KIAA0825: variants seen among roughly 807,000 people sequenced by gnomAD.
KIAA0825 encodes the protein uncharacterized protein KIAA0825.
In KIAA0825, 119 loss-of-function variants were observed where a neutral mutation model predicts 147.6. The observed-to-expected ratio is 0.81, with a 90% CI of 0.69 to 0.94. The LOEUF (loss-of-function observed/expected upper bound fraction) is 0.94, where lower values mean the gene tolerates loss of function less well. Ranked by LOEUF, KIAA0825 falls within the 40% of genes least tolerant of loss-of-function variation. The pLI is 0.00. For synonymous variants in KIAA0825, 470 were observed against 518.1 expected (o/e 0.91, Z 1.26); for missense variants, 1,381 against 1,472.7 (o/e 0.94, Z 1.02).
chr5:94,406,776 C>T (rs1473412885), intron 15 of KIAA0825, among the ~76,000 whole-genome samples: 9 of 152,150 alleles, frequency 5.9e-5, no homozygotes, highest in East Asian at 5.8e-4. Context: ...AACGAGCAGC[C>T]TTGAAGCCAT....
chr5:94,394,871 C>A lies in KIAA0825; in HGVS notation c.3296+1230G>T, dbSNP rs371718902. Among the ~76,000 whole-genome samples the A allele has an allele frequency of 5.9e-5, 9 of 152,202 alleles. No homozygotes were observed. The East Asian group carries it at 1.4e-3, about 23-fold the overall frequency. ...GCTATTGTTATTGCCACCCATGGGA[C>A]ACTCCAGAAGTACATTTCTAGAGGT... On this transcript the variant is annotated intron_variant, in intron 17 of 20. Transcript: ENST00000682413.
chr5:94,275,628 A>C (rs575180351), intron 20 of KIAA0825, among the ~76,000 whole-genome samples: 1 of 152,284 alleles, frequency 6.6e-6, no homozygotes, highest in African/African-American at 2.4e-5. Flanking sequence ...CTATGGCAAC[A>C]TGTTAATGGG....
chr5:94,183,459 A>G (rs938495728), intron 20 of KIAA0825, among the ~76,000 whole-genome samples: 4 of 152,162 alleles, frequency 2.6e-5, no homozygotes, highest in African/African-American at 4.8e-5. Context: ...TAAGAGTGTC[A>G]TTTTATATGC....
intron 2 of KIAA0825, among the ~76,000 whole-genome samples, chr5:94,548,344 A>C (rs1774867765): frequency 3.9e-5 from 6 of 152,184 alleles, no homozygotes; most frequent in Admixed American, 3.9e-4. Flanking sequence ...TCATTAGTCT[A>C]AACTAATGGG....
intron 14 of KIAA0825, among the ~76,000 whole-genome samples, chr5:94,420,585 A>C (rs1282185866): frequency 6.6e-6 from 1 of 152,128 alleles, no homozygotes; most frequent in Admixed American, 6.6e-5. Flanking sequence ...GTACTATTTT[A>C]CTATATGACG....
intron 5 of KIAA0825, among the ~76,000 whole-genome samples, chr5:94,517,758 GAGA>G (rs979501553): frequency 6.7e-5 from 10 of 149,526 alleles, no homozygotes; most frequent in African/African-American, 2.4e-4. Context: ...AAATAGTTTG[GAGA>G]AGAAGAAAAC....
At chr5:94,318,910 C>T (rs191979276) in intron 20 of KIAA0825, among the ~76,000 whole-genome samples, 32 of 151,864 alleles carry the variant, frequency 2.1e-4, no homozygotes, top group Admixed American at 1.6e-3. Context: ...CATAATACTA[C>T]CCCTCCTTGT....
intron 20 of KIAA0825, among the ~76,000 whole-genome samples, chr5:94,229,886 A>G (rs976799284): frequency 6.6e-6 from 1 of 152,136 alleles, no homozygotes; most frequent in South Asian, 2.1e-4. Flanking sequence ...TCTCTAGATC[A>G]TTAGTGATAC....
intron 20 of KIAA0825, among the ~76,000 whole-genome samples, chr5:94,311,465 T>C (rs1330329177): frequency 6.6e-6 from 1 of 151,646 alleles, no homozygotes; most frequent in African/African-American, 2.4e-5. Context: ...AAATGTCTCA[T>C]ACTGCCACGC....
At chr5:94,526,758 T>C (rs1401946473) in intron 3 of KIAA0825, among the ~76,000 whole-genome samples, 4 of 151,998 alleles carry the variant, frequency 2.6e-5, no homozygotes, top group Non-Finnish European at 5.9e-5. Context: ...GTGGTAGGCA[T>C]TGTGATATAT....
At chr5:94,244,249 C>T (rs956855096) in intron 20 of KIAA0825, among the ~76,000 whole-genome samples, 3 of 152,186 alleles carry the variant, frequency 2.0e-5, no homozygotes, top group Non-Finnish European at 2.9e-5. Context: ...CTTTATTCTA[C>T]AGACAGCTTT....
intron 2 of KIAA0825, among the ~76,000 whole-genome samples, chr5:94,576,590 C>A (rs945479176): frequency 1.3e-5 from 2 of 152,150 alleles, no homozygotes; most frequent in Non-Finnish European, 2.9e-5. Context: ...GGACCCTTGA[C>A]CCTGGACTTC....
chr5:94,496,957 A>C (rs1764444543), intron 5 of KIAA0825, among the ~76,000 whole-genome samples: 1 of 152,128 alleles, frequency 6.6e-6, no homozygotes, highest in African/African-American at 2.4e-5. Context: ...CCCATGTCTC[A>C]TTTGCTGGCT....
intron 20 of KIAA0825, among the ~76,000 whole-genome samples, chr5:94,200,946 C>CATGT (rs1771609610): frequency 9.6e-6 from 1 of 103,888 alleles, no homozygotes; most frequent in Non-Finnish European, 1.9e-5. Context: ...AGAATTTAAA[C>CATGT]ATATATATAT....
intron 1 of KIAA0825, among the ~76,000 whole-genome samples, chr5:94,611,471 A>G (rs1412329107): frequency 1.3e-5 from 2 of 152,170 alleles, no homozygotes; most frequent in South Asian, 2.1e-4. Flanking sequence ...GAAAAGCACT[A>G]AACTTATGGA....
In KIAA0825 at chr5:94,526,898, A is replaced by T. The variant is rs374281301; in HGVS notation, c.132-2800T>A. 3.9e-5 allele frequency among the ~76,000 whole-genome samples: 6 copies of T among 152,112 alleles called. No homozygotes were observed. In the East Asian group the frequency reaches 1.2e-3, roughly 29 times the overall value. On this transcript the variant is annotated intron_variant, in intron 3 of 20. Coordinates refer to ENST00000682413, the MANE Select transcript of KIAA0825 (RefSeq NM_001145678.3). ...GATAAGGAGTGTGTACAATGTGCTAAGGGAGTACACAGGAGGGAGCCACTA... is the reference window on the plus strand; with the variant it reads ...GATAAGGAGTGTGTACAATGTGCTATGGGAGTACACAGGAGGGAGCCACTA...
At chr5:94,429,100 T>C (rs765572800) in intron 14 of KIAA0825, among the ~76,000 whole-genome samples, 3 of 152,202 alleles carry the variant, frequency 2.0e-5, no homozygotes, top group Non-Finnish European at 4.4e-5. Context: ...TGGATTGCTT[T>C]AGAAGTTTCT....
intron 20 of KIAA0825, among the ~76,000 whole-genome samples, chr5:94,171,830 A>G (rs1583740142): frequency 6.6e-6 from 1 of 152,170 alleles, no homozygotes; most frequent in East Asian, 1.9e-4. Context: ...GTAGCCAATG[A>G]AAATAAGTGA....
At chr5:94,318,736 C>T (rs1779887789) in intron 20 of KIAA0825, among the ~76,000 whole-genome samples, 2 of 151,794 alleles carry the variant, frequency 1.3e-5, no homozygotes, top group African/African-American at 2.4e-5. Context: ...AGTAAAAGGT[C>T]AATAATTATT....
Sources: allele counts gnomAD v4.1 joint callset (sites outside exome capture counted in the v4.1 genomes callset), GRCh38; gene constraint gnomAD v4.1.1; transcripts MANE v1.5; gene names NCBI Gene and HGNC (gene_info 2026-07-23, HGNC 2026-07-21).